Variants in PTPRO observed in about 807,000 individuals in gnomAD.
PTPRO encodes protein tyrosine phosphatase receptor type O.
In PTPRO, 62 loss-of-function variants were observed where a neutral mutation model predicts 145.2. That is an observed-to-expected ratio of 0.43 (90% CI 0.35 to 0.53). The LOEUF (loss-of-function observed/expected upper bound fraction) is 0.53, where lower values mean the gene tolerates loss of function less well. Among genes scored for constraint, PTPRO ranks in the 20% least tolerant of loss-of-function variants. The probability of loss-of-function intolerance (pLI) is 0.01; values close to 1 mark genes in which losing one functional copy is unlikely to be tolerated. For missense variants in PTPRO, 1,345 were observed against 1,482.7 expected (o/e 0.91, Z 1.53); for synonymous variants, 565 against 514.7 (o/e 1.10, Z -1.32).
chr12:15,499,220 T>C (rs1942168803), intron 3 of PTPRO, among the ~76,000 whole-genome samples: 1 of 152,178 alleles, frequency 6.6e-6, no homozygotes, highest in Non-Finnish European at 1.5e-5. Context: ...TCCAATTGTG[T>C]TTGATCTGCT....
intron 1 of PTPRO, among the ~76,000 whole-genome samples, chr12:15,465,462 A>G (rs987015610): frequency 6.6e-6 from 1 of 152,238 alleles, no homozygotes; most frequent in African/African-American, 2.4e-5. Flanking sequence ...ATTTTAGTAA[A>G]GGAGAAGAGA....
At chr12:15,488,395 C>T (rs1941934348) in intron 2 of PTPRO, among the ~76,000 whole-genome samples, 1 of 152,124 alleles carries the variant, frequency 6.6e-6, no homozygotes, top group Non-Finnish European at 1.5e-5. Flanking sequence ...TGGGTTTCAG[C>T]TTCCACCTTC....
intron 14 of PTPRO, 103 bp from the exon 15 acceptor site, chr12:15,551,448 T>C (rs1591720625): frequency 7.1e-7 from 1 of 1,414,278 alleles, no homozygotes; most frequent in Non-Finnish European, 9.9e-7. Flanking sequence ...ATTGGTATCA[T>C]CGTAAGCTCA....
chr12:15,525,861 A>G (rs764670109), intron 11 of PTPRO, among the ~76,000 whole-genome samples: 22 of 152,222 alleles, frequency 1.4e-4, no homozygotes, highest in Non-Finnish European at 2.9e-4. Context: ...ACCTGTTATC[A>G]ATATGTGAGA....
chr12:15,571,727 G>A lies in PTPRO; in HGVS notation c.2829+2229G>A, dbSNP rs79986903. Among the ~76,000 whole-genome samples the A allele has an allele frequency of 1.4e-3, 215 of 152,050 alleles. 1 individual carries two copies. The East Asian group carries it at 0.039, about 28-fold the overall frequency. ...TTAACAGGGGAGGATTTTGATGGAC[G>A]AGCCTGTGTCATGGTGCCCATTCAA... On this transcript the variant is annotated intron_variant, in intron 19 of 26. Transcript: ENST00000281171.
intron 1 of PTPRO, among the ~76,000 whole-genome samples, chr12:15,470,039 A>G (rs568990551): frequency 6.6e-6 from 1 of 152,308 alleles, no homozygotes; most frequent in East Asian, 1.9e-4. Context: ...CTTAAGTGGG[A>G]TTTGAACCCA....
chr12:15,581,404 C>T (rs753877951), intron 22 of PTPRO, among the ~76,000 whole-genome samples: 101 of 149,158 alleles, frequency 6.8e-4, no homozygotes, highest in South Asian at 2.5e-3. Context: ...CAGGTTCAAG[C>T]GATTCTCCTG....
At chr12:15,542,587 T>C (rs531533575) in intron 12 of PTPRO, among the ~76,000 whole-genome samples, 36 of 152,206 alleles carry the variant, frequency 2.4e-4, no homozygotes, top group Non-Finnish European at 4.0e-4. Flanking sequence ...CTCAGTACTA[T>C]TCATTTGAAA....
At chr12:15,447,158 A>G (rs1217359607) in intron 1 of PTPRO, among the ~76,000 whole-genome samples, 3 of 152,254 alleles carry the variant, frequency 2.0e-5, no homozygotes, top group Admixed American at 2.0e-4. Flanking sequence ...ATTGGTTCTG[A>G]CCACACAACT....
chr12:15,469,668 C>T (rs1183661646), intron 1 of PTPRO, among the ~76,000 whole-genome samples: 5 of 149,182 alleles, frequency 3.4e-5, no homozygotes, highest in South Asian at 2.1e-4. Context: ...TGCTCTTGTT[C>T]GTGATGCCAC....
intron 1 of PTPRO, among the ~76,000 whole-genome samples, chr12:15,403,209 C>A (rs765751780): frequency 3.2e-4 from 49 of 152,314 alleles, no homozygotes; most frequent in Admixed American, 7.8e-4. Context: ...TGACATCACA[C>A]TCCAGCTTCA....
At chr12:15,480,117 A>G (rs1275510669) in intron 1 of PTPRO, among the ~76,000 whole-genome samples, 2 of 152,052 alleles carry the variant, frequency 1.3e-5, no homozygotes, top group African/African-American at 4.8e-5. Flanking sequence ...ACACAGAACT[A>G]TGTTCAGTTC....
At position 15,526,248 on chromosome 12, in the gene PTPRO, G is replaced by A. The variant is rs757302850; in HGVS notation, c.2150G>A (p.Arg717His). ...AGAGGAAGTAATACCTCCATGCTCCGCCTTGTCAAGCTAGGTAAGAAGAGT... is the reference window on the plus strand; with the variant it reads ...AGAGGAAGTAATACCTCCATGCTCCACCTTGTCAAGCTAGGTAAGAAGAGT... Reference protein sequence around the residue: ...TERGSNTSMLRLVKLEPAPPK... With the variant: ...TERGSNTSMLHLVKLEPAPPK... The change falls in exon 12 of 27, where the codon CGC (arginine) becomes CAC (histidine). Residue 717 changes from arginine (R) to histidine (H), a missense_variant. Physicochemically the swap from Arg to His is conservative, Grantham distance 29. Transcript: ENST00000281171. 13 of 1,613,802 alleles carry A rather than the reference G, an allele frequency of 8.1e-6. No individual in the cohort carries two copies. Among genetic ancestry groups the A allele is most frequent in the East Asian group, 2.2e-5 (1 of 44,870 alleles).
At chr12:15,379,585 T>C (rs1404153385) in intron 1 of PTPRO, among the ~76,000 whole-genome samples, 2 of 145,882 alleles carry the variant, frequency 1.4e-5, no homozygotes, top group Non-Finnish European at 3.0e-5. Context: ...ATTTGGTATA[T>C]ATAATGGAAT....
chr12:15,360,605 TTC>T (rs201998130), intron 1 of PTPRO, among the ~76,000 whole-genome samples: 4 of 150,670 alleles, frequency 2.7e-5, no homozygotes, highest in Admixed American at 1.3e-4. Flanking sequence ...GTATCTCTCT[TTC>T]TCTCTCTCTC....
intron 1 of PTPRO, among the ~76,000 whole-genome samples, chr12:15,373,722 A>G (rs940885915): frequency 1.3e-5 from 2 of 152,200 alleles, no homozygotes; most frequent in Non-Finnish European, 2.9e-5. Flanking sequence ...CACTCAATAA[A>G]TATTGACTTC....
intron 6 of PTPRO, among the ~76,000 whole-genome samples, chr12:15,506,863 G>C (rs1205371002): frequency 6.6e-6 from 1 of 152,162 alleles, no homozygotes. Context: ...CAATGACTGA[G>C]ATTCAGAGAG....
intron 1 of PTPRO, among the ~76,000 whole-genome samples, chr12:15,372,049 T>C (rs922867598): frequency 1.3e-5 from 2 of 152,234 alleles, no homozygotes; most frequent in African/African-American, 2.4e-5. Flanking sequence ...AATACACTTA[T>C]ATTTTGCAAA....
At chr12:15,561,558 T>C (rs1943773204) in intron 17 of PTPRO, among the ~76,000 whole-genome samples, 1 of 152,102 alleles carries the variant, frequency 6.6e-6, no homozygotes. Context: ...CATTCACTGT[T>C]ATTCTAAGTT....
Sources: gnomAD v4.1 joint callset for allele counts (sites outside exome capture counted in the v4.1 genomes callset) on GRCh38, gnomAD v4.1.1 for gene constraint, MANE v1.5 for transcripts, NCBI Gene and HGNC (gene_info 2026-07-23, HGNC 2026-07-21) for gene names.